ZNF69: variants seen among roughly 807,000 people sequenced by gnomAD.
The protein encoded by ZNF69 is zinc finger protein 69, also known as ZNF3.
In ZNF69, 47 loss-of-function variants were observed where a neutral mutation model predicts 50.9. The observed-to-expected ratio is 0.92, with a 90% confidence interval of 0.73 to 1.18. ZNF69 has a LOEUF of 1.18. ZNF69 is among the 50% of genes most tolerant of loss of function. The pLI, the probability that ZNF69 is intolerant of heterozygous loss-of-function variation, is 0.00. For synonymous variants in ZNF69, 216 were observed against 223.1 expected, an observed-to-expected ratio of 0.97 and a Z score of 0.29; for missense variants, 717 against 675.1, an observed-to-expected ratio of 1.06 and a Z score of -0.69.
At chr19:11,980,136 G>T in the ZNF69 span, 3 of 791,544 alleles carry the variant, frequency 3.8e-6, no homozygotes, top group African/African-American at 3.5e-5. Context: ...ACTCACACTG[G>T]ATAGAAACCA....
chr19:11,890,711 C>T (rs971999698), intron 1 of ZNF69, among the ~76,000 whole-genome samples: 5 of 152,126 alleles, frequency 3.3e-5, no homozygotes, highest in South Asian at 4.1e-4. Flanking sequence ...CTACCTGCCT[C>T]GGCCTCCCAA....
rs934568930 is a variant in ZNF69 at position 11,887,871 on chromosome 19, C to T, written c.-53C>T. 4.5e-6 allele frequency: 7 copies of T among 1,556,504 alleles called. No homozygotes were observed. In the East Asian group the frequency reaches 1.4e-4, roughly 31 times the overall value. On this transcript the variant is annotated 5_prime_UTR_variant, in exon 1 of 4. Transcript: ENST00000429654. ...GGCTGGGATCCGGTCTTTCCAGCCCCGAGAGGGACCTGGTTCCTCTGCCCA... is the reference window on the plus strand; with the variant it reads ...GGCTGGGATCCGGTCTTTCCAGCCCTGAGAGGGACCTGGTTCCTCTGCCCA...
Position 11,902,729 on chromosome 19 carries a change from A to G in ZNF69, c.64-844A>G, listed in dbSNP as rs1599355233. ...TTGCTACCTACATGCTTCCTCTGAC[A>G]ATATCATCAAAGATTACACTTTGGG... is the stretch of plus-strand genomic sequence containing the variant. On this transcript the variant is annotated intron_variant, in intron 1 of 3. Transcript: ENST00000429654. 2.0e-5 allele frequency among the ~76,000 whole-genome samples: 3 copies of G among 151,408 alleles called. No homozygotes were observed. The South Asian group carries it at 6.3e-4, about 32-fold the overall frequency.
chr19:11,977,674 C>T, the ZNF69 span, among the ~76,000 whole-genome samples: 2,872 of 152,262 alleles, frequency 0.019, 36 homozygotes, highest in African/African-American at 0.026. Context: ...GCCTGGGCAA[C>T]ATAATGAGAC....
the ZNF69 span, among the ~76,000 whole-genome samples, chr19:11,974,129 T>TTTC: frequency 8.7e-5 from 8 of 92,202 alleles, 1 homozygote; most frequent in Admixed American, 6.7e-4. Flanking sequence ...TTCTTTCTTT[T>TTTC]CTTTCTTTCT....
chr19:11,896,217 TAAAAAAAAA>T (rs138289885), intron 1 of ZNF69, among the ~76,000 whole-genome samples: 2 of 63,860 alleles, frequency 3.1e-5, no homozygotes, highest in African/African-American at 7.0e-5. Flanking sequence ...GAAACTCCAT[TAAAAAAAAA>T]AAAAAAAAAA....
At chr19:11,968,251 A>G in the ZNF69 span, among the ~76,000 whole-genome samples, 1 of 147,664 alleles carries the variant, frequency 6.8e-6, no homozygotes, top group Non-Finnish European at 1.5e-5. Flanking sequence ...AGGTACAATA[A>G]TTTAATTTTT....
intron 1 of ZNF69, among the ~76,000 whole-genome samples, chr19:11,900,584 T>C (rs961746138): frequency 1.2e-4 from 19 of 152,152 alleles, no homozygotes; most frequent in Middle Eastern, 3.4e-3. Flanking sequence ...AACTCCTGAC[T>C]TCGGTGATCC....
the ZNF69 span, chr19:11,952,884 G>GC: frequency 6.6e-6 from 1 of 152,138 alleles, no homozygotes; most frequent in African/African-American, 2.4e-5. Context: ...GACCAGCCTG[G>GC]CCAACATGGT....
the ZNF69 span, chr19:11,924,920 G>A: frequency 5.3e-6 from 2 of 375,914 alleles, no homozygotes; most frequent in African/African-American, 4.3e-5. Context: ...AATAACCAGA[G>A]TGCAGAAAGC....
intron 1 of ZNF69, among the ~76,000 whole-genome samples, chr19:11,893,660 G>C (rs774226747): frequency 6.6e-6 from 1 of 152,102 alleles, no homozygotes; most frequent in Admixed American, 6.5e-5. Flanking sequence ...AGAACTGCCC[G>C]GGGCTGACTC....
chr19:11,967,506 G>A, the ZNF69 span, among the ~76,000 whole-genome samples: 16 of 151,940 alleles, frequency 1.1e-4, no homozygotes, highest in Non-Finnish European at 2.1e-4. Flanking sequence ...CCGGGTTCAC[G>A]CCATTCTCCT....
the ZNF69 span, among the ~76,000 whole-genome samples, chr19:11,935,681 C>T: frequency 6.6e-6 from 1 of 152,074 alleles, no homozygotes; most frequent in Non-Finnish European, 1.5e-5. Flanking sequence ...AAAGTCATTT[C>T]CAAAACAGAC....
downstream of ZNF69, among the ~76,000 whole-genome samples, chr19:11,911,066 GAA>G (rs932372151): frequency 1.1e-4 from 16 of 152,220 alleles, no homozygotes; most frequent in African/African-American, 3.6e-4. Flanking sequence ...ACAGACACAT[GAA>G]AAAATGCTCA....
At chr19:11,895,392 G>A (rs920708279) in intron 1 of ZNF69, among the ~76,000 whole-genome samples, 4 of 152,338 alleles carry the variant, frequency 2.6e-5, no homozygotes, top group South Asian at 2.1e-4. Flanking sequence ...GGGCCAAAGC[G>A]TTTCTCAGGG....
the ZNF69 span, among the ~76,000 whole-genome samples, chr19:11,968,376 G>A: frequency 6.6e-6 from 1 of 152,060 alleles, no homozygotes; most frequent in Non-Finnish European, 1.5e-5. Context: ...CCCAGTAGCT[G>A]AGAGTACAGT....
At chr19:11,932,799 G>A in the ZNF69 span, among the ~76,000 whole-genome samples, 110 of 147,136 alleles carry the variant, frequency 7.5e-4, 2 homozygotes, top group East Asian at 0.02. Context: ...CACCCCGTCC[G>A]GCTAATTTTT....
chr19:11,972,154 G>A, the ZNF69 span, among the ~76,000 whole-genome samples: 1 of 151,910 alleles, frequency 6.6e-6, no homozygotes, highest in Admixed American at 6.6e-5. Context: ...TCATGGTGAT[G>A]TGTACCTGTA....
the ZNF69 span, among the ~76,000 whole-genome samples, chr19:11,921,333 C>G: frequency 4.6e-5 from 7 of 152,032 alleles, no homozygotes; most frequent in Non-Finnish European, 7.4e-5. Context: ...CTATGCCCGG[C>G]TGTTTTTAAA....
Sources: gnomAD v4.1 joint callset for allele counts (sites outside exome capture counted in the v4.1 genomes callset) on GRCh38, gnomAD v4.1.1 for gene constraint, MANE v1.5 for transcripts, NCBI Gene and HGNC (gene_info 2026-07-23, HGNC 2026-07-21) for gene names.